Variants in FSTL4 observed in about 807,000 individuals in gnomAD.
The protein encoded by FSTL4 is follistatin-related protein 4.
A neutral mutation model predicts 78.2 loss-of-function variants in FSTL4; 28 were observed. That is an observed-to-expected ratio of 0.36 (90% CI 0.27 to 0.49). FSTL4 has a LOEUF of 0.49. FSTL4 is among the 20% of genes least tolerant of loss of function. FSTL4 has a pLI of 0.98. For synonymous variants in FSTL4, 422 were observed against 440.5 expected (o/e 0.96, Z 0.53); for missense variants, 922 against 1,084.9 (o/e 0.85, Z 2.11).
the FSTL4 span, among the ~76,000 whole-genome samples, chr5:133,798,356 A>G: frequency 6.6e-6 from 1 of 152,188 alleles, no homozygotes; most frequent in African/African-American, 2.4e-5. Flanking sequence ...GGTGAGAGGG[A>G]TGAAGGGAGC....
At chr5:133,683,439 T>C in the FSTL4 span, among the ~76,000 whole-genome samples, 1 of 152,188 alleles carries the variant, frequency 6.6e-6, no homozygotes, top group Non-Finnish European at 1.5e-5. Flanking sequence ...TACACAGTAG[T>C]TAAATTAATG....
intron 3 of FSTL4, among the ~76,000 whole-genome samples, chr5:133,535,729 G>A (rs1759339548): frequency 1.3e-5 from 2 of 152,154 alleles, no homozygotes; most frequent in Admixed American, 1.3e-4. Context: ...GTTCTCGGCA[G>A]AGAACAAATG....
At chr5:133,547,504 T>G (rs1759606077) in intron 3 of FSTL4, among the ~76,000 whole-genome samples, 1 of 152,176 alleles carries the variant, frequency 6.6e-6, no homozygotes, top group African/African-American at 2.4e-5. Context: ...GTGTTAGAAA[T>G]TTGGTCCCCA....
rs767638128 is a variant in FSTL4 at position 133,225,136 on chromosome 5, G to A, written c.1312+14C>T. The A allele has an allele frequency of 7.4e-6, 12 of 1,613,986 alleles. No individual in the cohort carries two copies. Among genetic ancestry groups the A allele is most frequent in the Admixed American group, 6.7e-5 (4 of 60,002 alleles). ...AGCCAGCTCAGTGAGAAGCATAAAC[G>A]CGTGTCGACTTACGGGTCTTTCTAG... is the stretch of plus-strand genomic sequence containing the variant. On this transcript the variant is annotated intron_variant, in intron 10 of 15. Transcript: ENST00000265342. The surrounding 1 kb of genome is among the most constrained non-coding windows in gnomAD (Gnocchi z 4.6).
chr5:133,731,319 T>C, the FSTL4 span, among the ~76,000 whole-genome samples: 1 of 152,018 alleles, frequency 6.6e-6, no homozygotes, highest in East Asian at 1.9e-4. Context: ...ATCTACACTC[T>C]GGAAAAGATG....
At chr5:133,732,522 C>G in the FSTL4 span, among the ~76,000 whole-genome samples, 4,769 of 152,186 alleles carry the variant, frequency 0.031, 272 homozygotes, top group African/African-American at 0.11. Context: ...TTCCAGAAAG[C>G]CCATCCGTCA....
Position 133,233,523 on chromosome 5 carries a change from A to G in FSTL4, c.909T>C (p.Asp303=), listed in dbSNP as rs1751562012. The G allele has an allele frequency of 3.7e-6, 6 of 1,613,896 alleles. No individual in the cohort carries two copies. The highest frequency in any genetic ancestry group is 4.5e-5 in the East Asian group (2 of 44,860). ...DLEDINDFGE[D]DSLYITKVTT... ...TCACCTTGGTGATGTACAGGGAATC[A>G]TCCTCTCCAAAGTCCTGCACAGGGC... Residue 303 remains aspartate, a synonymous_variant, in exon 8 of 16, where the codon GAT becomes GAC. Transcript: ENST00000265342.
At chr5:133,289,862 T>C (rs1168766028) in intron 6 of FSTL4, among the ~76,000 whole-genome samples, 5 of 152,242 alleles carry the variant, frequency 3.3e-5, no homozygotes, top group Admixed American at 3.3e-4. Flanking sequence ...TCAACTCTCT[T>C]TGGCTGTCAG....
chr5:133,556,703 A>ATAG (rs1304297599), intron 3 of FSTL4, among the ~76,000 whole-genome samples: 1 of 152,160 alleles, frequency 6.6e-6, no homozygotes, highest in African/African-American at 2.4e-5. Flanking sequence ...AGCCCTGGTT[A>ATAG]TAGGTGAGGT....
chr5:133,735,987 G>A, the FSTL4 span, among the ~76,000 whole-genome samples: 1 of 152,186 alleles, frequency 6.6e-6, no homozygotes, highest in Non-Finnish European at 1.5e-5. Context: ...GATGACAGTG[G>A]GTAGAAAGGT....
chr5:133,407,764 A>G (rs1193129007), intron 3 of FSTL4, among the ~76,000 whole-genome samples: 1 of 152,224 alleles, frequency 6.6e-6, no homozygotes, highest in Non-Finnish European at 1.5e-5. Context: ...GGAGGTGGTT[A>G]TTTCTGGTCA....
At chr5:133,289,751 A>G (rs1753215511) in intron 6 of FSTL4, among the ~76,000 whole-genome samples, 1 of 152,208 alleles carries the variant, frequency 6.6e-6, no homozygotes, top group Non-Finnish European at 1.5e-5. Context: ...AAAGACCAGC[A>G]CCAAGCCCTT....
At chr5:133,806,268 A>G in the FSTL4 span, among the ~76,000 whole-genome samples, 1 of 152,152 alleles carries the variant, frequency 6.6e-6, no homozygotes, top group Non-Finnish European at 1.5e-5. Flanking sequence ...AACGTCCTCC[A>G]CTGAACAGGA....
intron 4 of FSTL4, among the ~76,000 whole-genome samples, chr5:133,346,840 GT>G (rs1348263154): frequency 6.6e-6 from 1 of 152,092 alleles, no homozygotes; most frequent in Admixed American, 6.5e-5. Flanking sequence ...TTTAATCTAA[GT>G]TGTGGGATAC....
chr5:133,599,361 C>G (rs775193602), intron 2 of FSTL4, among the ~76,000 whole-genome samples: 21 of 152,072 alleles, frequency 1.4e-4, no homozygotes, highest in Admixed American at 3.9e-4. Context: ...TCAATGCTGT[C>G]TTAGGCTGAC....
intron 2 of FSTL4, among the ~76,000 whole-genome samples, chr5:133,602,273 T>G (rs1177360132): frequency 2.0e-5 from 3 of 152,038 alleles, no homozygotes; most frequent in African/African-American, 7.2e-5. Context: ...GGGAGCAAGA[T>G]AACAACCCCC....
At chr5:133,243,789 A>C (rs1263900823) in intron 7 of FSTL4, 1 of 152,322 alleles carries the variant, frequency 6.6e-6, no homozygotes, top group African/African-American at 2.4e-5. Flanking sequence ...GGTTCAACCC[A>C]ACAGCCATTA....
chr5:133,197,207 A>G lies in FSTL4; in HGVS notation c.*1888T>C, dbSNP rs985878675. On this transcript the variant is annotated 3_prime_UTR_variant, in exon 16 of 16. Coordinates refer to ENST00000265342, the MANE Select transcript of FSTL4 (RefSeq NM_015082.2). ...GATACAATGGAAATTTTTCCAAAAA[A>G]AAGTTTATGAAAGTTGGAGAATTTT... is the stretch of plus-strand genomic sequence containing the variant. 1.3e-5 allele frequency: 2 copies of G among 152,130 alleles called. No individual in the cohort carries two copies. Among genetic ancestry groups the G allele is most frequent in the African/African-American group, 4.8e-5 (2 of 41,412 alleles). The allele number at this position is 152,130 out of a possible 1,614,324, so 9.4% of individuals were successfully genotyped here.
rs1327765456 is a variant in FSTL4, at chr5:133,612,533, C to G, written c.-219G>C. ...GCTGTGCCACCGCCGCCGCGGCTGCCCTATTTCTGCCGCCGGGACCGGAGC... is the reference window on the plus strand; with the variant it reads ...GCTGTGCCACCGCCGCCGCGGCTGCGCTATTTCTGCCGCCGGGACCGGAGC... On this transcript the variant is annotated 5_prime_UTR_variant, in exon 1 of 16. Coordinates refer to ENST00000265342, the MANE Select transcript of FSTL4 (RefSeq NM_015082.2). This position sits in a 1 kb window ranked among gnomAD's most constrained non-coding sequence, Gnocchi z 6.2. The G allele has an allele frequency of 6.6e-6, 1 of 152,112 alleles. No individual in the cohort carries two copies. Among genetic ancestry groups the G allele is most frequent in the Non-Finnish European group, 1.5e-5 (1 of 68,112 alleles). 9.4% of individuals were successfully genotyped at this position (152,112 alleles called of 1,614,324 possible).
Sources: allele counts gnomAD v4.1 joint callset (sites outside exome capture counted in the v4.1 genomes callset), GRCh38; gene constraint gnomAD v4.1.1; non-coding constraint Gnocchi (gnomAD v3.1); transcripts MANE v1.5; gene names NCBI Gene and HGNC (gene_info 2026-07-23, HGNC 2026-07-21).